Variants in NOS1AP observed in about 807,000 individuals in gnomAD.
NOS1AP encodes the protein nitric oxide synthase 1 adaptor protein, also known as carboxyl-terminal PDZ ligand of neuronal nitric oxide synthase protein.
Under a neutral mutation model 56.2 loss-of-function variants are expected in NOS1AP, and 21 were observed. The observed-to-expected ratio is 0.37, with a 90% confidence interval of 0.26 to 0.54. The LOEUF is 0.54. Among genes scored for constraint, NOS1AP ranks in the 20% least tolerant of loss-of-function variants. The pLI, the probability that NOS1AP is intolerant of heterozygous loss-of-function variation, is 0.84. For synonymous variants in NOS1AP, 270 were observed against 274.6 expected, an observed-to-expected ratio of 0.98 and a Z score of 0.17; for missense variants, 522 against 657.8, an observed-to-expected ratio of 0.79 and a Z score of 2.26.
intron 4 of NOS1AP, among the ~76,000 whole-genome samples, chr1:162,322,105 A>C (rs1456266385): frequency 3.3e-5 from 5 of 152,180 alleles, no homozygotes; most frequent in Admixed American, 2.6e-4. Flanking sequence ...AAAAGACACT[A>C]GATTGTGATT....
chr1:162,280,484 A>G lies in NOS1AP; in HGVS notation c.178-6860A>G, dbSNP rs574893214. On this transcript the variant is annotated intron_variant, in intron 2 of 9. Coordinates refer to ENST00000361897, the MANE Select transcript of NOS1AP (RefSeq NM_014697.3). ...TCTGAATAGCATGGTCTACATTACC[A>G]TGTGCATTTTAAAAAACGCCAACTT... Among the ~76,000 whole-genome samples the G allele has an allele frequency of 3.9e-5, 6 of 152,352 alleles. No homozygotes were observed. In the East Asian group the frequency reaches 5.8e-4, roughly 15 times the overall value.
chr1:162,155,277 TAC>T (rs1265800781), intron 2 of NOS1AP, among the ~76,000 whole-genome samples: 23 of 142,432 alleles, frequency 1.6e-4, no homozygotes, highest in African/African-American at 3.9e-4. Context: ...CACATACATA[TAC>T]ACATATATAC....
intron 4 of NOS1AP, among the ~76,000 whole-genome samples, chr1:162,311,103 C>T (rs1457574004): frequency 6.6e-6 from 1 of 152,076 alleles, no homozygotes; most frequent in Non-Finnish European, 1.5e-5. Context: ...ATGTCTTTGT[C>T]AGGGCCACCA....
chr1:162,131,892 C>T (rs1451509685), intron 1 of NOS1AP, among the ~76,000 whole-genome samples: 1 of 152,212 alleles, frequency 6.6e-6, no homozygotes, highest in African/African-American at 2.4e-5. Context: ...ATCTACAGTT[C>T]TCTAATCTTT....
chr1:162,118,033 G>A (rs972650226), intron 1 of NOS1AP, among the ~76,000 whole-genome samples: 1 of 152,188 alleles, frequency 6.6e-6, no homozygotes, highest in Non-Finnish European at 1.5e-5. Context: ...CCTTCACAAC[G>A]TTGTTATGAG....
intron 2 of NOS1AP, among the ~76,000 whole-genome samples, chr1:162,278,492 G>T (rs1654815135): frequency 1.3e-5 from 2 of 152,106 alleles, no homozygotes; most frequent in African/African-American, 2.4e-5. Flanking sequence ...GAGAGGTGCT[G>T]GGAGGTTTAT....
intron 1 of NOS1AP, among the ~76,000 whole-genome samples, chr1:162,075,043 G>T (rs974076203): frequency 2.0e-5 from 3 of 152,156 alleles, no homozygotes; most frequent in Non-Finnish European, 4.4e-5. Flanking sequence ...CTTGATGGGG[G>T]AATGTCAAGT....
intron 3 of NOS1AP, 148 bp downstream of exon 3, chr1:162,287,584 G>C: frequency 2.8e-6 from 2 of 709,434 alleles, no homozygotes; most frequent in Non-Finnish European, 2.6e-6. Context: ...GTGCTGACAG[G>C]CTGCAGCAGA....
At chr1:162,119,251 T>A (rs2102049644) in intron 1 of NOS1AP, among the ~76,000 whole-genome samples, 1 of 152,244 alleles carries the variant, frequency 6.6e-6, no homozygotes, top group South Asian at 2.1e-4. Flanking sequence ...CTGGAGAAAG[T>A]CTCTCCAGGC....
At chr1:162,239,910 A>C (rs1443988924) in intron 2 of NOS1AP, among the ~76,000 whole-genome samples, 2 of 152,196 alleles carry the variant, frequency 1.3e-5, no homozygotes, top group Non-Finnish European at 2.9e-5. Context: ...CCAGGAAGTA[A>C]AAAGGCCTGT....
At chr1:162,131,670 G>A (rs935344284) in intron 1 of NOS1AP, among the ~76,000 whole-genome samples, 2 of 152,056 alleles carry the variant, frequency 1.3e-5, no homozygotes, top group Non-Finnish European at 2.9e-5. Context: ...TCCAAGCTCA[G>A]CTGAAACAGC....
intron 2 of NOS1AP, among the ~76,000 whole-genome samples, chr1:162,204,982 G>C (rs769855112): frequency 6.6e-6 from 1 of 152,142 alleles, no homozygotes; most frequent in Non-Finnish European, 1.5e-5. Context: ...CAGGTTCTCT[G>C]CACACCAGAT....
intron 2 of NOS1AP, among the ~76,000 whole-genome samples, chr1:162,209,420 G>A (rs536622417): frequency 1.3e-5 from 2 of 152,284 alleles, no homozygotes; most frequent in East Asian, 3.9e-4. Context: ...GGGAAAATTA[G>A]GAGAAGTGGT....
intron 2 of NOS1AP, among the ~76,000 whole-genome samples, chr1:162,187,031 A>G (rs533296286): frequency 3.3e-5 from 5 of 152,196 alleles, no homozygotes; most frequent in Non-Finnish European, 5.9e-5. Context: ...GAGTGACCTG[A>G]TCTCGGCTCA....
intron 1 of NOS1AP, among the ~76,000 whole-genome samples, chr1:162,117,440 A>C (rs181645915): frequency 2.0e-5 from 3 of 152,162 alleles, no homozygotes; most frequent in African/African-American, 7.2e-5. Flanking sequence ...ACAGGGATGC[A>C]TGAATTCAGG....
chr1:162,363,954 T>G, intron 8 of NOS1AP: 1 of 985,376 alleles, frequency 1.0e-6, no homozygotes, highest in Non-Finnish European at 1.2e-6. Flanking sequence ...AACGGCAAGG[T>G]CAGGGCCTCC....
chr1:162,115,292 T>C (rs1325637794), intron 1 of NOS1AP, among the ~76,000 whole-genome samples: 2 of 152,212 alleles, frequency 1.3e-5, no homozygotes, highest in Non-Finnish European at 2.9e-5. Flanking sequence ...TAAAACAGTA[T>C]ACCATGACTC....
intron 1 of NOS1AP, among the ~76,000 whole-genome samples, chr1:162,109,246 C>T (rs1407170977): frequency 6.6e-6 from 1 of 152,168 alleles, no homozygotes; most frequent in Non-Finnish European, 1.5e-5. Context: ...TAACCAGTTA[C>T]AGTGTGTGAA....
intron 2 of NOS1AP, among the ~76,000 whole-genome samples, chr1:162,240,700 A>G (rs1430743167): frequency 1.3e-5 from 2 of 152,314 alleles, no homozygotes; most frequent in Admixed American, 6.5e-5. Context: ...TGTATAAACA[A>G]CCCCAAGGGA....
Sources: allele counts gnomAD v4.1 joint callset (sites outside exome capture counted in the v4.1 genomes callset), GRCh38; gene constraint gnomAD v4.1.1; transcripts MANE v1.5; gene names NCBI Gene and HGNC (gene_info 2026-07-23, HGNC 2026-07-21).